The following ADAMTS20 variants were observed in gnomAD, a reference collection of about 807,000 sequenced individuals.
ADAMTS20 encodes ADAM metallopeptidase with thrombospondin type 1 motif 20.
Under a neutral mutation model 260.1 loss-of-function variants are expected in ADAMTS20, and 225 were observed. The observed-to-expected ratio is 0.87, with a 90% confidence interval of 0.78 to 0.97. The LOEUF (loss-of-function observed/expected upper bound fraction) is 0.97, where lower values mean the gene tolerates loss of function less well. ADAMTS20 is among the 50% of genes least tolerant of loss of function. The pLI is 0.00. For synonymous variants in ADAMTS20, 802 were observed against 769.5 expected, an observed-to-expected ratio of 1.04 and a Z score of -0.70; for missense variants, 2,400 against 2,337.7, an observed-to-expected ratio of 1.03 and a Z score of -0.55.
intron 4 of ADAMTS20, among the ~76,000 whole-genome samples, chr12:43,499,464 T>A (rs1208537217): frequency 6.6e-6 from 1 of 151,350 alleles, no homozygotes; most frequent in Non-Finnish European, 1.5e-5. Context: ...TGTCACAATA[T>A]CTTCTAACAG....
At chr12:43,430,798 T>G (rs1941427950) in intron 22 of ADAMTS20, among the ~76,000 whole-genome samples, 2 of 152,196 alleles carry the variant, frequency 1.3e-5, no homozygotes, top group Admixed American at 6.5e-5. Context: ...AAACACCACC[T>G]AGTGTATGCA....
At chr12:43,501,475 G>GCACACACACACACACACACA (rs1353322850) in intron 4 of ADAMTS20, among the ~76,000 whole-genome samples, 15 of 59,072 alleles carry the variant, frequency 2.5e-4, no homozygotes, top group African/African-American at 6.2e-4. Flanking sequence ...GCGCGCGCGC[G>GCACACACACACACACACACA]CGCGCGCACA....
In ADAMTS20 at chr12:43,464,640, T is replaced by C. The variant is rs993690936; in HGVS notation, c.1460A>G (p.Lys487Arg). Residue 487 changes from lysine to arginine, a missense_variant, in exon 10 of 39, where the codon AAG becomes AGG. Coordinates refer to ENST00000389420, the MANE Select transcript of ADAMTS20 (RefSeq NM_025003.5). ...ELPGSRYDGN[K>R]QCELAFGPGS... ...AGGACCAAACGCAAGCTCACACTGC[T>C]TGTTTCCATCATATCGTGATCCAGG... 6.2e-7 allele frequency: 1 copy of C among 1,613,502 alleles called. No individual in the cohort carries two copies. The highest frequency in any genetic ancestry group is 1.7e-5 in the Admixed American group (1 of 59,998).
At chr12:43,428,218 A>G (rs1941368762) in intron 26 of ADAMTS20, 23 bp downstream of exon 26, 2 of 1,608,928 alleles carry the variant, frequency 1.2e-6, no homozygotes, top group Admixed American at 1.7e-5. Context: ...CAGAATTAAT[A>G]TAACTCAATA....
intron 18 of ADAMTS20, among the ~76,000 whole-genome samples, chr12:43,436,222 A>G (rs193186995): frequency 6.6e-6 from 1 of 152,330 alleles, no homozygotes; most frequent in South Asian, 2.1e-4. Flanking sequence ...ATCATTCATG[A>G]CATAGAACCC....
intron 3 of ADAMTS20, among the ~76,000 whole-genome samples, chr12:43,527,076 C>CAGA (rs1943153385): frequency 2.0e-5 from 3 of 152,128 alleles, no homozygotes; most frequent in Non-Finnish European, 2.9e-5. Flanking sequence ...TGCACACAAA[C>CAGA]TAGAAAGCCC....
chr12:43,367,544 A>G (rs1283412379), intron 37 of ADAMTS20, among the ~76,000 whole-genome samples: 1 of 152,018 alleles, frequency 6.6e-6, no homozygotes, highest in Admixed American at 6.6e-5. Context: ...ACATCTAGAA[A>G]ATACTCCTAG....
At chr12:43,481,126 C>T (rs1377923405) in intron 7 of ADAMTS20, among the ~76,000 whole-genome samples, 6 of 152,024 alleles carry the variant, frequency 3.9e-5, no homozygotes, top group Non-Finnish European at 4.4e-5. Flanking sequence ...CTATGGAATT[C>T]ACCAGATTAA....
At chr12:43,436,722 G>C (rs1941563010) in intron 18 of ADAMTS20, among the ~76,000 whole-genome samples, 1 of 152,032 alleles carries the variant, frequency 6.6e-6, no homozygotes, top group African/African-American at 2.4e-5. Context: ...GAAACAAGGT[G>C]GCTAAATAAA....
chr12:43,380,850 C>A (rs779939687), intron 31 of ADAMTS20, among the ~76,000 whole-genome samples: 1 of 152,086 alleles, frequency 6.6e-6, no homozygotes, highest in Non-Finnish European at 1.5e-5. Flanking sequence ...CTAACAAAAT[C>A]TCAGCTGGCT....
chr12:43,375,694 A>G (rs1940211399), intron 35 of ADAMTS20, among the ~76,000 whole-genome samples, 182 bp from the exon 36 acceptor site: 1 of 152,234 alleles, frequency 6.6e-6, no homozygotes. Flanking sequence ...TGAAACATCT[A>G]AGAAGAGCTT....
At chr12:43,401,638 A>C (rs1010353029) in intron 28 of ADAMTS20, among the ~76,000 whole-genome samples, 2 of 151,760 alleles carry the variant, frequency 1.3e-5, no homozygotes, top group African/African-American at 4.8e-5. Context: ...AATATAACTT[A>C]TTACTAGTCT....
intron 4 of ADAMTS20, among the ~76,000 whole-genome samples, chr12:43,499,048 A>C (rs879461979): frequency 2.0e-5 from 3 of 152,214 alleles, no homozygotes; most frequent in African/African-American, 4.8e-5. Context: ...AAACCCAGGT[A>C]GCTTAGAAGT....
intron 3 of ADAMTS20, among the ~76,000 whole-genome samples, chr12:43,505,607 ACTATT>A (rs1334812160): frequency 6.6e-6 from 1 of 152,214 alleles, no homozygotes; most frequent in East Asian, 1.9e-4. Context: ...AAGAATGGCT[ACTATT>A]AAACACACAC....
chr12:43,446,458 T>G, intron 15 of ADAMTS20, 137 bp downstream of exon 15: 1 of 592,820 alleles, frequency 1.7e-6, no homozygotes, highest in East Asian at 2.9e-5. Flanking sequence ...ATTTAGGAAA[T>G]TTTTCCTTAA....
chr12:43,521,162 G>C (rs1163269179), intron 3 of ADAMTS20, among the ~76,000 whole-genome samples: 1 of 152,180 alleles, frequency 6.6e-6, no homozygotes, highest in East Asian at 1.9e-4. Context: ...ATAGGAAACT[G>C]ATTAAATTCA....
At chr12:43,525,109 G>C (rs527828793) in intron 3 of ADAMTS20, among the ~76,000 whole-genome samples, 1 of 152,210 alleles carries the variant, frequency 6.6e-6, no homozygotes, top group South Asian at 2.1e-4. Context: ...ATAAAAGAAA[G>C]AATTCTAAGA....
chr12:43,447,668 G>A (rs1406185068), intron 14 of ADAMTS20, among the ~76,000 whole-genome samples: 1 of 152,040 alleles, frequency 6.6e-6, no homozygotes, highest in African/African-American at 2.4e-5. Flanking sequence ...AAAAAAGAAA[G>A]GGCATCCAAA....
chr12:43,484,606 C>T (rs1384898014), intron 7 of ADAMTS20, among the ~76,000 whole-genome samples: 1 of 151,838 alleles, frequency 6.6e-6, no homozygotes, highest in African/African-American at 2.4e-5. Flanking sequence ...AGCTCAAAGA[C>T]AAGACTTTCA....
Sources: gnomAD v4.1 joint callset for allele counts (sites outside exome capture counted in the v4.1 genomes callset) on GRCh38, gnomAD v4.1.1 for gene constraint, MANE v1.5 for transcripts, NCBI Gene and HGNC (gene_info 2026-07-23, HGNC 2026-07-21) for gene names.